DMD: variants seen among roughly 807,000 people sequenced by gnomAD.
DMD encodes mutant dystrophin.
In DMD, 63 loss-of-function variants were observed where a neutral mutation model predicts 330.1. That is an observed-to-expected ratio of 0.19 (90% CI 0.16 to 0.24). The LOEUF (loss-of-function observed/expected upper bound fraction) is 0.24, where lower values mean the gene tolerates loss of function less well. DMD is among the 10% of genes least tolerant of loss of function. The pLI is 1.00. For synonymous variants in DMD, 1,223 were observed against 959.8 expected, an observed-to-expected ratio of 1.27 and a Z score of -5.07; for missense variants, 3,344 against 2,684.1, an observed-to-expected ratio of 1.25 and a Z score of -5.43.
rs766338928 is a variant in DMD, at chrX:32,614,296, C to A, written c.1482+7G>T. ...AGTAGAAAGCACGCAACATAAGATA[C>A]ACCTACCTTATGTTGTTGTACTTGG... On this transcript the variant is annotated splice_region_variant and intron_variant, in intron 12 of 78. Transcript: ENST00000357033. 4.1e-6 allele frequency: 5 copies of A among 1,207,143 alleles called. No individual in the cohort carries two copies. In the Admixed American group the frequency reaches 1.1e-4, roughly 26 times the overall value.
chrX:31,364,005 G>C (rs1002559743), intron 60 of DMD, among the ~76,000 whole-genome samples: 1 of 112,681 alleles, frequency 8.9e-6, no homozygotes, highest in African/African-American at 3.2e-5. Flanking sequence ...AACTGGTTGA[G>C]GAAGGAGAAG....
At chrX:31,965,489 A>C (rs187694858) in intron 45 of DMD, among the ~76,000 whole-genome samples, 2 of 111,956 alleles carry the variant, frequency 1.8e-5, no homozygotes, top group Non-Finnish European at 3.8e-5. Flanking sequence ...ATAGGTACTG[A>C]TTGTACTACT....
chrX:32,635,951 G>T (rs2059066175), intron 11 of DMD, among the ~76,000 whole-genome samples: 1 of 111,522 alleles, frequency 9.0e-6, no homozygotes, highest in African/African-American at 3.3e-5. Flanking sequence ...AAACCCTACT[G>T]GCCTAGTTTA....
At chrX:31,434,469 CACACAT>C (rs1250996982) in intron 60 of DMD, among the ~76,000 whole-genome samples, 1 of 98,631 alleles carries the variant, frequency 1.0e-5, no homozygotes, top group African/African-American at 3.9e-5. Context: ...CACACACACA[CACACAT>C]TTAGGTCCTT....
At chrX:32,800,282 G>A (rs1292993419) in intron 7 of DMD, among the ~76,000 whole-genome samples, 1 of 111,935 alleles carries the variant, frequency 8.9e-6, no homozygotes, top group Non-Finnish European at 1.9e-5. Context: ...CACGAATTTT[G>A]CTGGTAAATC....
At chrX:33,076,487 T>C (rs2094843272) in intron 1 of DMD, among the ~76,000 whole-genome samples, 1 of 111,366 alleles carries the variant, frequency 9.0e-6, no homozygotes, top group Non-Finnish European at 1.9e-5. Context: ...ACTAGAACTT[T>C]AGGGTGATCG....
intron 11 of DMD, among the ~76,000 whole-genome samples, chrX:32,626,995 A>C (rs1375436880): frequency 9.5e-6 from 1 of 105,350 alleles, no homozygotes. Context: ...AGAATCACTG[A>C]GAGAACTTTT....
intron 2 of DMD, among the ~76,000 whole-genome samples, chrX:32,976,501 T>C (rs972800959): frequency 3.7e-4 from 42 of 112,030 alleles, no homozygotes; most frequent in African/African-American, 1.3e-3. Flanking sequence ...AAAGTCTTTA[T>C]ATGCACTGCA....
At chrX:31,140,316 CTCTT>C (rs1381449470) in intron 76 of DMD, among the ~76,000 whole-genome samples, 2 of 112,347 alleles carry the variant, frequency 1.8e-5, no homozygotes, top group Non-Finnish European at 3.8e-5. Flanking sequence ...AAATTATTTT[CTCTT>C]TTTTTTAAAA....
intron 7 of DMD, among the ~76,000 whole-genome samples, chrX:32,719,845 T>A (rs183773431): frequency 9.1e-6 from 1 of 110,402 alleles, no homozygotes; most frequent in Admixed American, 9.7e-5. Flanking sequence ...CACAATGCCC[T>A]TTTCCAACCT....
chrX:32,303,186 T>C (rs1034369612), intron 42 of DMD, among the ~76,000 whole-genome samples: 2 of 111,560 alleles, frequency 1.8e-5, no homozygotes, highest in Admixed American at 9.5e-5. Context: ...ACTCAGTGAG[T>C]TAGGATACAA....
At chrX:33,043,791 G>A (rs1043883410) in intron 1 of DMD, among the ~76,000 whole-genome samples, 7 of 109,507 alleles carry the variant, frequency 6.4e-5, no homozygotes, top group East Asian at 2.9e-4. Flanking sequence ...CCATTAACTC[G>A]TCATTTAACA....
chrX:33,187,858 G>A (rs1317743957), intron 1 of DMD, among the ~76,000 whole-genome samples: 1 of 111,352 alleles, frequency 9.0e-6, no homozygotes, highest in Admixed American at 9.6e-5. Flanking sequence ...GTATAATTAC[G>A]TATATACATA....
chrX:32,381,622 C>T (rs1475081303), intron 33 of DMD, among the ~76,000 whole-genome samples: 1 of 111,388 alleles, frequency 9.0e-6, no homozygotes, highest in African/African-American at 3.3e-5. Flanking sequence ...GTTCCTTGAA[C>T]AAAGAAAGGT....
intron 7 of DMD, among the ~76,000 whole-genome samples, chrX:32,749,375 T>G (rs915393285): frequency 8.9e-6 from 1 of 112,330 alleles, no homozygotes; most frequent in Non-Finnish European, 1.9e-5. Context: ...AAGATCACCA[T>G]TTTAATAGTT....
intron 34 of DMD, among the ~76,000 whole-genome samples, chrX:32,367,319 T>A (rs1340476864): frequency 2.7e-5 from 3 of 111,717 alleles, no homozygotes; most frequent in Non-Finnish European, 5.7e-5. Flanking sequence ...CAAGTATGAG[T>A]TTGTCAAAGA....
chrX:31,168,073 G>A (rs895370205), intron 74 of DMD, among the ~76,000 whole-genome samples: 1 of 112,019 alleles, frequency 8.9e-6, no homozygotes, highest in Non-Finnish European at 1.9e-5. Context: ...ATGGAGGATA[G>A]GTGGGATTCC....
rs1425264204 is a variant in DMD at position 32,292,670 on chromosome X, C to T, written c.6118-4969G>A. On this transcript the variant is annotated intron_variant, in intron 42 of 78. Coordinates refer to ENST00000357033, the MANE Select transcript of DMD (RefSeq NM_004006.3). ...TAGATAGGGAGTGACTGCTGCTGAT[C>T]GTACAGCTTTCCAGATGACGGGCTC... 7.2e-5 allele frequency among the ~76,000 whole-genome samples: 8 copies of T among 111,618 alleles called. 1 individual carries two copies. The highest frequency in any genetic ancestry group is 2.0e-4 in the African/African-American group (6 of 30,679).
chrX:32,058,843 A>C (rs145839602), intron 44 of DMD, among the ~76,000 whole-genome samples: 12 of 111,753 alleles, frequency 1.1e-4, no homozygotes, highest in Non-Finnish European at 2.1e-4. Context: ...GGTGTGAACA[A>C]ACTAAATGTC....
Sources: gnomAD v4.1 joint callset for allele counts (sites outside exome capture counted in the v4.1 genomes callset) on GRCh38, gnomAD v4.1.1 for gene constraint, MANE v1.5 for transcripts, NCBI Gene and HGNC (gene_info 2026-07-23, HGNC 2026-07-21) for gene names.